Variants in IRF2 observed in about 807,000 individuals in gnomAD.
The protein encoded by IRF2 is interferon regulatory factor 2.
In IRF2, 15 loss-of-function variants were observed where a neutral mutation model predicts 40.6. The observed-to-expected ratio is 0.37, with a 90% CI of 0.25 to 0.57. The LOEUF (loss-of-function observed/expected upper bound fraction) is 0.57, where lower values mean the gene tolerates loss of function less well. Among genes scored for constraint, IRF2 ranks in the 20% least tolerant of loss-of-function variants. IRF2 has a pLI of 0.77. For missense variants in IRF2, 317 were observed against 455.7 expected, an observed-to-expected ratio of 0.70 and a Z score of 2.77; for synonymous variants, 151 against 165.5, an observed-to-expected ratio of 0.91 and a Z score of 0.67.
Position 184,389,046 on chromosome 4 carries a change from C to T in IRF2, c.762G>A (p.Lys254=). 2.5e-6 allele frequency: 4 copies of T among 1,614,204 alleles called. No individual in the cohort carries two copies. Among genetic ancestry groups the T allele is most frequent in the Non-Finnish European group, 3.4e-6 (4 of 1,180,030 alleles). ...ESAEGRPHWR[K]RNIEGKQYLS... The stretch of plus-strand genomic sequence containing the variant: ...GGTACTGTTTGCCTTCAATATTCCT[C>T]TTCCGCCAGTGTGGCCGCCCCTTTC... The change falls in exon 9 of 9, where the codon AAG becomes AAA. Residue 254 remains lysine, a synonymous_variant. Transcript: ENST00000393593.
chr4:184,396,167 G>A (rs1736448332), intron 7 of IRF2, among the ~76,000 whole-genome samples: 1 of 152,228 alleles, frequency 6.6e-6, no homozygotes, highest in Non-Finnish European at 1.5e-5. Flanking sequence ...TCACGCTTCG[G>A]TTAGCTCTAC....
chr4:184,454,861 T>C (rs1007903166), intron 1 of IRF2, among the ~76,000 whole-genome samples: 2 of 152,196 alleles, frequency 1.3e-5, no homozygotes, highest in Admixed American at 1.3e-4. Flanking sequence ...GGCTAGTTTA[T>C]GTTAGGAGGA....
chr4:184,469,912 T>C (rs537133966), intron 1 of IRF2, among the ~76,000 whole-genome samples: 41 of 152,300 alleles, frequency 2.7e-4, no homozygotes, highest in South Asian at 1.9e-3. Context: ...CTTGGTACTC[T>C]ATAAAAAATA....
intron 1 of IRF2, among the ~76,000 whole-genome samples, chr4:184,459,893 G>A (rs980733985): frequency 1.8e-4 from 27 of 152,172 alleles, no homozygotes; most frequent in Admixed American, 7.9e-4. Flanking sequence ...AGCTGGAACC[G>A]GTGTGCATTG....
At chr4:184,431,145 G>A (rs1737862629) in intron 1 of IRF2, among the ~76,000 whole-genome samples, 1 of 152,232 alleles carries the variant, frequency 6.6e-6, no homozygotes, top group African/African-American at 2.4e-5. Flanking sequence ...CTCATATGGA[G>A]GCTCCAGCCA....
At chr4:184,455,611 GT>G (rs1738895862) in intron 1 of IRF2, among the ~76,000 whole-genome samples, 1 of 152,066 alleles carries the variant, frequency 6.6e-6, no homozygotes, top group Admixed American at 6.6e-5. Context: ...TGATAAGAAA[GT>G]GGATGAATCC....
In IRF2 at chr4:184,413,633, G is replaced by A. The variant is rs1017115105; in HGVS notation, c.411+4534C>T. Among the ~76,000 whole-genome samples the A allele has an allele frequency of 6.6e-6, 1 of 152,128 alleles. No homozygotes were observed. The highest frequency in any genetic ancestry group is 1.5e-5 in the Non-Finnish European group (1 of 68,036). On this transcript the variant is annotated intron_variant, in intron 5 of 8. Transcript: ENST00000393593. The surrounding 1 kb of genome is among the most constrained non-coding windows in gnomAD (Gnocchi z 4.2). ...GCTTTTCTGTAACTTCTACCCATAG[G>A]TCTGTGCTCAGAACGAATACAGACC...
chr4:184,466,030 G>A (rs1579118664), intron 1 of IRF2, among the ~76,000 whole-genome samples: 1 of 149,436 alleles, frequency 6.7e-6, no homozygotes, highest in African/African-American at 2.5e-5. Context: ...TCATAGTTCA[G>A]TTTTAACTTG....
chr4:184,396,315 T>G (rs548940561), intron 7 of IRF2, among the ~76,000 whole-genome samples: 1 of 152,306 alleles, frequency 6.6e-6, no homozygotes, highest in East Asian at 1.9e-4. Flanking sequence ...AGGGCGGGCG[T>G]TAAGGACCGG....
intron 1 of IRF2, among the ~76,000 whole-genome samples, chr4:184,455,650 G>A (rs944572367): frequency 2.0e-5 from 3 of 152,068 alleles, no homozygotes; most frequent in Admixed American, 6.5e-5. Context: ...GAGGGCAAGG[G>A]CTGAGGAGGA....
chr4:184,392,592 T>G (rs1736297753), intron 7 of IRF2, among the ~76,000 whole-genome samples: 1 of 152,210 alleles, frequency 6.6e-6, no homozygotes, highest in African/African-American at 2.4e-5. Flanking sequence ...GTCTCACATC[T>G]TCCTGGTGGC....
intron 1 of IRF2, among the ~76,000 whole-genome samples, chr4:184,430,987 T>C (rs1737857216): frequency 6.6e-6 from 1 of 152,208 alleles, no homozygotes; most frequent in South Asian, 2.1e-4. Flanking sequence ...TGAGCTCCCA[T>C]GCTCCGCCCT....
chr4:184,431,534 G>A (rs1196965218), intron 1 of IRF2, among the ~76,000 whole-genome samples: 3 of 152,232 alleles, frequency 2.0e-5, no homozygotes, highest in African/African-American at 7.2e-5. Context: ...GTGACCACCA[G>A]CCCAGCCTGA....
At chr4:184,468,296 G>A (rs535202335) in intron 1 of IRF2, among the ~76,000 whole-genome samples, 77 of 151,938 alleles carry the variant, frequency 5.1e-4, no homozygotes, top group Non-Finnish European at 9.1e-4. Flanking sequence ...GAGACCAGCC[G>A]GCCAACATGG....
chr4:184,467,881 A>G (rs35626284), intron 1 of IRF2, among the ~76,000 whole-genome samples: 3,788 of 152,350 alleles, frequency 0.025, 66 homozygotes, highest in Non-Finnish European at 0.042. Context: ...ATCGTCATTT[A>G]ATGAAAACAG....
At chr4:184,423,426 A>G (rs1737553018) in intron 2 of IRF2, among the ~76,000 whole-genome samples, 1 of 152,222 alleles carries the variant, frequency 6.6e-6, no homozygotes, top group Admixed American at 6.5e-5. Flanking sequence ...TAGTTCTGTT[A>G]TCTCCTCTGC....
chr4:184,389,725 G>A (rs1015792416), intron 8 of IRF2, among the ~76,000 whole-genome samples: 20 of 152,254 alleles, frequency 1.3e-4, no homozygotes, highest in African/African-American at 4.1e-4. Context: ...GGCTCGGCCC[G>A]ATTATTCGAT....
chr4:184,435,400 A>T (rs1431045929), intron 1 of IRF2, among the ~76,000 whole-genome samples: 4 of 152,236 alleles, frequency 2.6e-5, no homozygotes, highest in Admixed American at 2.6e-4. Context: ...TGCCTGCTGG[A>T]TTTAAGGTAA....
intron 1 of IRF2, among the ~76,000 whole-genome samples, chr4:184,450,339 A>G (rs998103721): frequency 6.6e-6 from 1 of 152,208 alleles, no homozygotes; most frequent in Non-Finnish European, 1.5e-5. Context: ...ATTTCAAGTT[A>G]TTTCAATCTT....
Sources: gnomAD v4.1 joint callset for allele counts (sites outside exome capture counted in the v4.1 genomes callset) on GRCh38, gnomAD v4.1.1 for gene constraint, Gnocchi (gnomAD v3.1) non-coding constraint, MANE v1.5 for transcripts, NCBI Gene and HGNC (gene_info 2026-07-23, HGNC 2026-07-21) for gene names.